The following NARS2 variants were observed in gnomAD, a reference collection of about 807,000 sequenced individuals.
NARS2 encodes the protein asparaginyl-tRNA synthetase 2, mitochondrial, also known as asparaginyl-tRNA synthetase.
In NARS2, 60 loss-of-function variants were observed where a neutral mutation model predicts 62.9. That is an observed-to-expected ratio of 0.95 (90% CI 0.77 to 1.18). The LOEUF (loss-of-function observed/expected upper bound fraction) is 1.18. Ranked by LOEUF, NARS2 falls within the 50% of genes most tolerant of loss-of-function variation. The pLI is 0.00. For synonymous variants in NARS2, 196 were observed against 200.0 expected, an observed-to-expected ratio of 0.98 and a Z score of 0.17; for missense variants, 619 against 576.4, an observed-to-expected ratio of 1.07 and a Z score of -0.76.
intron 5 of NARS2, 31 bp downstream of exon 5, chr11:78,559,508 T>C (rs374200469): frequency 1.5e-5 from 21 of 1,372,042 alleles, no homozygotes; most frequent in Non-Finnish European, 2.2e-5. Context: ...TAAACAGCAA[T>C]GTACCCCTCA....
intron 5 of NARS2, among the ~76,000 whole-genome samples, chr11:78,553,881 T>C (rs1165398290): frequency 6.6e-6 from 1 of 152,232 alleles, no homozygotes; most frequent in Non-Finnish European, 1.5e-5. Context: ...GTTTTACATT[T>C]AAGCCTCTTT....
intron 6 of NARS2, among the ~76,000 whole-genome samples, chr11:78,514,286 T>G (rs1860826247): frequency 6.6e-6 from 1 of 152,102 alleles, no homozygotes. Context: ...CCTGTCTGGC[T>G]AAGTTTTGTA....
chr11:78,557,602 T>G (rs1856400885), intron 5 of NARS2, among the ~76,000 whole-genome samples: 1 of 152,212 alleles, frequency 6.6e-6, no homozygotes, highest in Non-Finnish European at 1.5e-5. Context: ...CAAGAGTTTC[T>G]CTTTCTGATA....
rs936951618 is a variant in NARS2 at position 78,566,326 on chromosome 11, A to G, written c.373-54T>C. On this transcript the variant is annotated intron_variant, in intron 3 of 13. Coordinates refer to ENST00000281038, the MANE Select transcript of NARS2 (RefSeq NM_024678.6). ...AAGTCAAAAGAGATACTGTTTAATA[A>G]AATCAGTTTCCAGGGTATTTCTTAA... 30 of 1,441,042 alleles carry G rather than the reference A, an allele frequency of 2.1e-5. 1 individual carries two copies. The highest frequency in any genetic ancestry group is 3.9e-4 in the Middle Eastern group (2 of 5,096). The allele number at this position is 1,441,042 out of a possible 1,614,324, so 89.3% of individuals were successfully genotyped here. A position where few individuals can be genotyped will look rare whatever the true frequency, so the allele number is the denominator to read the frequency against.
chr11:78,549,229 G>A (rs1409219633), intron 5 of NARS2, among the ~76,000 whole-genome samples: 1 of 152,220 alleles, frequency 6.6e-6, no homozygotes, highest in South Asian at 2.1e-4. Context: ...TTCCATGCCA[G>A]GAGAGACAAG....
chr11:78,552,019 G>A (rs1856138014), intron 5 of NARS2, among the ~76,000 whole-genome samples: 1 of 151,992 alleles, frequency 6.6e-6, no homozygotes, highest in African/African-American at 2.4e-5. Flanking sequence ...TATATTTTAG[G>A]TTTGGGGATA....
chr11:78,492,944 T>C, intron 7 of NARS2, 119 bp downstream of exon 7: 1 of 796,718 alleles, frequency 1.3e-6, no homozygotes, highest in Non-Finnish European at 2.0e-6. Flanking sequence ...GTTTATTAAG[T>C]AGTTACCCCT....
chr11:78,527,467 C>G (rs551847380), intron 6 of NARS2, among the ~76,000 whole-genome samples: 20 of 152,248 alleles, frequency 1.3e-4, no homozygotes, highest in African/African-American at 4.6e-4. Context: ...TAGTATTCTG[C>G]TAATATTGCC....
chr11:78,532,496 T>A (rs1329778983), intron 5 of NARS2, among the ~76,000 whole-genome samples: 2 of 152,176 alleles, frequency 1.3e-5, no homozygotes, highest in African/African-American at 4.8e-5. Context: ...CTCAAATGGC[T>A]AATGTGAAAA....
At chr11:78,470,305 AC>A (rs548477711) in intron 9 of NARS2, among the ~76,000 whole-genome samples, 23 of 152,304 alleles carry the variant, frequency 1.5e-4, no homozygotes, top group African/African-American at 5.5e-4. Context: ...TAACTTGTCT[AC>A]ATAGTTTTAA....
rs770592449 is a variant in NARS2 at position 78,504,434 on chromosome 11, G to GTTTGGTTTT, written c.690-11240_690-11239insAAAACCAAA. Among the ~76,000 whole-genome samples, 10 of 61,400 alleles carry GTTTGGTTTT rather than the reference G, an allele frequency of 1.6e-4. 2 individuals are homozygous for GTTTGGTTTT. The highest frequency in any genetic ancestry group is 1.1e-4 in the African/African-American group (3 of 27,124). 40.3% of individuals were successfully genotyped at this position (61,400 alleles called of 152,430 possible). A position where few individuals can be genotyped will look rare whatever the true frequency, so the allele number is the denominator to read the frequency against. On this transcript the variant is annotated intron_variant, in intron 6 of 13. Transcript: ENST00000281038. ...ACCTGTTTCATGTGGCAAAACACCAGTTTTTTTTTTTTTTTTTTTTTTCTG... is the reference window on the plus strand; with the variant it reads ...ACCTGTTTCATGTGGCAAAACACCAGTTTGGTTTTTTTTTTTTTTTTTTTTTTTTTTCTG...
chr11:78,469,193 G>T, intron 10 of NARS2, 54 bp downstream of exon 10: 1 of 1,205,728 alleles, frequency 8.3e-7, no homozygotes, highest in Non-Finnish European at 1.2e-6. Context: ...GTAAGCTAAA[G>T]ACAAGAAGGA....
intron 11 of NARS2, among the ~76,000 whole-genome samples, chr11:78,449,336 C>T (rs948148357): frequency 6.6e-6 from 1 of 151,774 alleles, no homozygotes; most frequent in Non-Finnish European, 1.5e-5. Flanking sequence ...CAGGGTTTCA[C>T]CACGTTAGCC....
intron 9 of NARS2, among the ~76,000 whole-genome samples, chr11:78,469,771 A>G (rs1432655632): frequency 6.8e-6 from 1 of 147,902 alleles, no homozygotes; most frequent in Non-Finnish European, 1.5e-5. Context: ...TGTCAGAGAG[A>G]GAGAGAGCGA....
At chr11:78,437,533 G>A (rs1368233964) in intron 13 of NARS2, among the ~76,000 whole-genome samples, 1 of 152,098 alleles carries the variant, frequency 6.6e-6, no homozygotes, top group Non-Finnish European at 1.5e-5. Flanking sequence ...AGACCACATG[G>A]CAAGACAATG....
chr11:78,485,543 C>A (rs1220022831), intron 7 of NARS2, among the ~76,000 whole-genome samples: 2 of 151,944 alleles, frequency 1.3e-5, no homozygotes, highest in East Asian at 3.8e-4. Flanking sequence ...ATTTTTACCT[C>A]CTTTGTCTCC....
intron 2 of NARS2, among the ~76,000 whole-genome samples, chr11:78,569,539 T>G (rs887602591): frequency 6.6e-6 from 1 of 152,204 alleles, no homozygotes. Context: ...TATTGTAATA[T>G]AGCAATACAA....
In NARS2 at chr11:78,465,862, G is replaced by C. The variant is rs1185148080; in HGVS notation, c.1164+14C>G. 5.6e-6 allele frequency: 9 copies of C among 1,613,894 alleles called. No individual in the cohort carries two copies. The highest frequency in any genetic ancestry group is 7.6e-6 in the Non-Finnish European group (9 of 1,179,868). ...AAGAGGACTAACCCCAATTTATTTA[G>C]TATCTCTTCTTACCGTGTGCTGAGG... On this transcript the variant is annotated intron_variant, in intron 11 of 13. Transcript: ENST00000281038.
chr11:78,513,335 A>G (rs916003268), intron 6 of NARS2, among the ~76,000 whole-genome samples: 2 of 129,744 alleles, frequency 1.5e-5, no homozygotes, highest in African/African-American at 5.5e-5. Flanking sequence ...CTAAGGTCTT[A>G]TTCACTCTTT....
Sources: allele counts gnomAD v4.1 joint callset (sites outside exome capture counted in the v4.1 genomes callset), GRCh38; gene constraint gnomAD v4.1.1; transcripts MANE v1.5; gene names NCBI Gene and HGNC (gene_info 2026-07-23, HGNC 2026-07-21).